ANGEL1: variants seen among roughly 807,000 people sequenced by gnomAD.
ANGEL1 encodes RNA 2',3'-cyclic phosphatase ANGEL1.
Under a neutral mutation model 76.4 loss-of-function variants are expected in ANGEL1, and 62 were observed. The observed-to-expected ratio is 0.81, with a 90% CI of 0.66 to 1.00. The LOEUF (loss-of-function observed/expected upper bound fraction) is 1.00, where lower values mean the gene tolerates loss of function less well. Among genes scored for constraint, ANGEL1 ranks in the 50% least tolerant of loss-of-function variants. The pLI, the probability that ANGEL1 is intolerant of heterozygous loss-of-function variation, is 0.00. For missense variants in ANGEL1, 737 were observed against 836.7 expected, an observed-to-expected ratio of 0.88 and a Z score of 1.47; for synonymous variants, 340 against 331.7, an observed-to-expected ratio of 1.03 and a Z score of -0.27.
At chr14:76,812,178 G>A in intron 1 of ANGEL1, 3 of 932,442 alleles carry the variant, frequency 3.2e-6, no homozygotes, top group African/African-American at 1.8e-5. Context: ...AAACCGCCGG[G>A]AGTGGGGGCA....
chr14:76,798,473 G>A (rs1275761279), intron 7 of ANGEL1, among the ~76,000 whole-genome samples: 3 of 152,028 alleles, frequency 2.0e-5, no homozygotes, highest in Non-Finnish European at 4.4e-5. Context: ...AGAACCATGA[G>A]AAATAAATTT....
Position 76,790,716 on chromosome 14 carries a change from G to T in ANGEL1, c.1747C>A (p.Pro583Thr), listed in dbSNP as rs774983541. The T allele has an allele frequency of 1.2e-6, 2 of 1,614,072 alleles. No individual in the cohort carries two copies. The highest frequency in any genetic ancestry group is 1.3e-5 in the African/African-American group (1 of 74,924). Residue 583 changes from proline (P) to threonine (T), a missense_variant, in exon 9 of 10, where the codon CCC (proline) becomes ACC (threonine). Physicochemically the swap from Pro to Thr is conservative, Grantham distance 38 (BLOSUM62 -1). Around this residue, in one of 2 missense-constraint regions of ANGEL1, gnomAD observed 296 missense variants for 387.2 expected, o/e 0.76. Coordinates refer to ENST00000251089, the MANE Select transcript of ANGEL1 (RefSeq NM_015305.4). ...GTGACCTCTGGGCGGCCACGCTGGG[G>T]CAGGAAGTGGGTATATACTGACGTC... Reference protein sequence around the residue: ...HLTSVYTHFLPQRGRPEVTTM... With the variant: ...HLTSVYTHFLTQRGRPEVTTM...
intron 2 of ANGEL1, among the ~76,000 whole-genome samples, chr14:76,808,390 G>A (rs1595308711): frequency 1.3e-5 from 2 of 152,098 alleles, no homozygotes; most frequent in African/African-American, 4.8e-5. Context: ...GCATCTAATA[G>A]ATGCTCCATA....
In ANGEL1 at chr14:76,809,740, T is replaced by C; in HGVS notation, c.65-97A>G. On this transcript the variant is annotated intron_variant, in intron 1 of 9. Transcript: ENST00000251089. ...AAGCCCAATAAAAGCAAGACCCATATCCACCTTGCTCATCATTGTACCATC... is the reference window on the plus strand; with the variant it reads ...AAGCCCAATAAAAGCAAGACCCATACCCACCTTGCTCATCATTGTACCATC... 3.0e-6 allele frequency: 3 copies of C among 993,960 alleles called. No homozygotes were observed. The Admixed American group carries it at 7.7e-5, about 25-fold the overall frequency. The allele number at this position is 993,960 out of a possible 1,614,324, so 61.6% of individuals were successfully genotyped here. A position where few individuals can be genotyped will look rare whatever the true frequency, so the allele number is the denominator to read the frequency against.
At chr14:76,792,305 C>G (rs945104625) in intron 7 of ANGEL1, among the ~76,000 whole-genome samples, 13 of 152,148 alleles carry the variant, frequency 8.5e-5, no homozygotes, top group African/African-American at 3.1e-4. Context: ...AATGGCTTCA[C>G]TGGTGAATTC....
chr14:76,808,156 G>C lies in ANGEL1; in HGVS notation c.650-8C>G. ...ATTCTCGCCACAAAATTTCTGCAAAGGATTGGGAGAAGCACTCAATGGCAA... is the reference window on the plus strand; with the variant it reads ...ATTCTCGCCACAAAATTTCTGCAAACGATTGGGAGAAGCACTCAATGGCAA... On this transcript the variant is annotated splice_region_variant and splice_polypyrimidine_tract_variant and intron_variant, in intron 2 of 9. Coordinates refer to ENST00000251089, the MANE Select transcript of ANGEL1 (RefSeq NM_015305.4). 1 of 1,612,258 alleles carries C rather than the reference G, an allele frequency of 6.2e-7. No individual in the cohort carries two copies. Among genetic ancestry groups the C allele is most frequent in the Non-Finnish European group, 8.5e-7 (1 of 1,179,250 alleles).
chr14:76,808,803 A>G (rs1894998302), intron 2 of ANGEL1, among the ~76,000 whole-genome samples: 1 of 152,190 alleles, frequency 6.6e-6, no homozygotes, highest in Non-Finnish European at 1.5e-5. Context: ...GTATGCTTTC[A>G]GTTCTTCCCC....
rs928260598 is a variant in ANGEL1, at chr14:76,787,024, A to C, written c.*2204T>G. 6.6e-6 allele frequency: 1 copy of C among 152,256 alleles called. No individual in the cohort carries two copies. The highest frequency in any genetic ancestry group is 2.4e-5 in the African/African-American group (1 of 41,462). The allele number at this position is 152,256 out of a possible 1,614,324, so 9.4% of individuals were successfully genotyped here. On this transcript the variant is annotated 3_prime_UTR_variant, in exon 10 of 10. Transcript: ENST00000251089. ...TGTACCCCAGCAGTGTCAAGGCAGG[A>C]GGCTTCACTCAAGCCCTGTTCCTCC...
chr14:76,811,507 T>TA (rs1389677574), intron 1 of ANGEL1, among the ~76,000 whole-genome samples: 2 of 72,830 alleles, frequency 2.7e-5, no homozygotes, highest in African/African-American at 1.3e-4. Flanking sequence ...GGGACTACTG[T>TA]AATGTGTAGG....
rs1895023999 is a variant in ANGEL1, at chr14:76,809,565, G to A, written c.143C>T (p.Ala48Val). Residue 48 changes from alanine to valine, a missense_variant, in exon 2 of 10, where the codon GCC becomes GTC. Around this residue, in one of 2 missense-constraint regions of ANGEL1, gnomAD observed 441 missense variants for 449.5 expected, o/e 0.98. Coordinates refer to ENST00000251089, the MANE Select transcript of ANGEL1 (RefSeq NM_015305.4). ...TTCCTCCTGCTCAGGGCCCCGAGGG[G>A]CCATGGCAAAGTCGCCCTCTACCTG... is the stretch of plus-strand genomic sequence containing the variant. ...SPQVEGDFAM[A>V]PRGPEQEECE... 2 of 1,614,216 alleles carry A rather than the reference G, an allele frequency of 1.2e-6. No individual in the cohort carries two copies. The highest frequency in any genetic ancestry group is 4.5e-5 in the East Asian group (2 of 44,874).
intron 7 of ANGEL1, among the ~76,000 whole-genome samples, chr14:76,797,510 G>C (rs1894617076): frequency 6.6e-6 from 1 of 152,196 alleles, no homozygotes; most frequent in South Asian, 2.1e-4. Flanking sequence ...TGAGGCAGGA[G>C]AATCACTTGA....
At position 76,809,247 on chromosome 14, in the gene ANGEL1, G is replaced by A. The variant is rs540780735; in HGVS notation, c.461C>T (p.Ser154Leu). Reference sequence around the variant, plus strand: ...AGCACAGTCTGCATACTGGGGCTCCGACTGCATGGGGATAGCTGCCCACAT... The same window carrying A: ...AGCACAGTCTGCATACTGGGGCTCCAACTGCATGGGGATAGCTGCCCACAT... ...GSMWAAIPMQ[S>L]EPQYADCAAL... The change falls in exon 2 of 10, where the codon TCG (serine) becomes TTG (leucine). Residue 154 changes from serine to leucine, a missense_variant. Ser to Leu is a moderately radical substitution (Grantham distance 145, BLOSUM62 -2). Coordinates refer to ENST00000251089, the MANE Select transcript of ANGEL1 (RefSeq NM_015305.4). 19 of 1,613,054 alleles carry A rather than the reference G, an allele frequency of 1.2e-5. No individual in the cohort carries two copies. The highest frequency in any genetic ancestry group is 4.5e-5 in the East Asian group (2 of 44,836).
In ANGEL1 at chr14:76,806,508, A is replaced by G. The variant is rs377080507; in HGVS notation, c.1288T>C (p.Leu430=). 6.2e-7 allele frequency: 1 copy of G among 1,614,228 alleles called. No individual in the cohort carries two copies. The highest frequency in any genetic ancestry group is 8.5e-7 in the Non-Finnish European group (1 of 1,180,054). ...LSDGSHCPII[L]CGDLNSVPDS... is the part of the protein sequence containing the mutation. ...GGGACAGAATTTAGGTCCCCGCACA[A>G]GATGATGGGGCAGTGGCTGCCATCT... The change falls in exon 5 of 10, where the codon TTG becomes CTG. Residue 430 remains leucine (L), a synonymous_variant. Transcript: ENST00000251089.
chr14:76,793,852 A>G (rs1749118206), intron 7 of ANGEL1, among the ~76,000 whole-genome samples: 1 of 151,862 alleles, frequency 6.6e-6, no homozygotes, highest in South Asian at 2.1e-4. Context: ...AAAGATTAAC[A>G]ATAATAATAA....
intron 5 of ANGEL1, among the ~76,000 whole-genome samples, chr14:76,805,226 G>T (rs1211908972): frequency 1.3e-5 from 2 of 152,086 alleles, no homozygotes; most frequent in African/African-American, 4.8e-5. Context: ...TGAGGCAAAT[G>T]GGGTTCAAAA....
chr14:76,812,806 A>G lies in ANGEL1; in HGVS notation c.22T>C (p.Tyr8His). Residue 8 changes from tyrosine to histidine, a missense_variant, in exon 1 of 10, where the codon TAC becomes CAC. Transcript: ENST00000251089. ...AGGCGCGTGGCCGGCAGCAGCAGGT[A>G]ACACAAGCACGACGCGATCATGGCC... MIASCLC[Y>H]LLLPATRLFR... is the part of the protein sequence containing the mutation. 1 of 1,521,010 alleles carries G rather than the reference A, an allele frequency of 6.6e-7. No homozygotes were observed. Among genetic ancestry groups the G allele is most frequent in the Non-Finnish European group, 8.8e-7 (1 of 1,139,192 alleles). The allele number at this position is 1,521,010 out of a possible 1,614,324, so 94.2% of individuals were successfully genotyped here. A position where few individuals can be genotyped will look rare whatever the true frequency, so the allele number is the denominator to read the frequency against.
intron 7 of ANGEL1, among the ~76,000 whole-genome samples, chr14:76,801,082 T>C (rs1462184153): frequency 6.6e-6 from 1 of 151,840 alleles, no homozygotes; most frequent in Non-Finnish European, 1.5e-5. Context: ...GGAACCTCAC[T>C]GGAATGTCTT....
rs1173785438 is a variant in ANGEL1 at position 76,806,765 on chromosome 14, A to T, written c.1031T>A (p.Leu344His). 2.5e-6 allele frequency: 4 copies of T among 1,614,216 alleles called. No homozygotes were observed. The highest frequency in any genetic ancestry group is 3.4e-6 in the Non-Finnish European group (4 of 1,180,048). ...VCYKPTRFRL[L>H]CASPVEYFRP... is the part of the protein sequence containing the mutation. ...GAAGTACTCCACAGGGCTAGCACAG[A>T]GCAGGCGGAATCTGGTAGGCTTGTA... The change falls in exon 5 of 10, where the codon CTC (leucine) becomes CAC (histidine). Residue 344 changes from leucine (L) to histidine (H), a missense_variant. This residue lies in a region of ANGEL1 where 441 missense variants were observed against 449.5 expected (regional missense o/e 0.98). Transcript: ENST00000251089.
rs1377868580 is a variant in ANGEL1, at chr14:76,788,976, C to A, written c.*252G>T. 10 of 443,328 alleles carry A rather than the reference C, an allele frequency of 2.3e-5. 1 individual carries two copies. Among genetic ancestry groups the A allele is most frequent in the Admixed American group, 1.1e-4 (3 of 26,384 alleles). The allele number at this position is 443,328 out of a possible 1,614,324, so 27.5% of individuals were successfully genotyped here. A position where few individuals can be genotyped will look rare whatever the true frequency, so the allele number is the denominator to read the frequency against. ...ATACATGGAAGGAAGGGGGAGCCCC[C>A]CTTCTGCCTCTCCCAGGGCCACTGA... On this transcript the variant is annotated 3_prime_UTR_variant, in exon 10 of 10. Coordinates refer to ENST00000251089, the MANE Select transcript of ANGEL1 (RefSeq NM_015305.4).
Sources: allele counts gnomAD v4.1 joint callset (sites outside exome capture counted in the v4.1 genomes callset), GRCh38; gene constraint gnomAD v4.1.1; regional missense constraint gnomAD v4.1.1; transcripts MANE v1.5; gene names NCBI Gene and HGNC (gene_info 2026-07-23, HGNC 2026-07-21).